Variants in CEP164 observed in about 807,000 individuals in gnomAD.
CEP164 encodes centrosomal protein of 164 kDa.
Under a neutral mutation model 182.7 loss-of-function variants are expected in CEP164, and 162 were observed. The ratio of observed to expected loss-of-function variants is 0.89; its 90% CI spans 0.78 to 1.01. The LOEUF is 1.01. Ranked by LOEUF, CEP164 falls within the 50% of genes least tolerant of loss-of-function variation. The pLI is 0.00. For missense variants in CEP164, 1,735 were observed against 1,790.4 expected, an observed-to-expected ratio of 0.97 and a Z score of 0.56; for synonymous variants, 661 against 690.0, an observed-to-expected ratio of 0.96 and a Z score of 0.66.
At position 117,348,388 on chromosome 11, in the gene CEP164, G is replaced by A. The variant is rs58435841; in HGVS notation, c.195-3402G>A. Among the ~76,000 whole-genome samples, 497 of 152,202 alleles carry A rather than the reference G, an allele frequency of 3.3e-3. 8 individuals carry two copies. The highest frequency in any genetic ancestry group is 0.012 in the African/African-American group (480 of 41,528). The stretch of plus-strand genomic sequence containing the variant: ...CCAAGTTGTTTGTAGAGTTGAATTG[G>A]CCATCTGTTGATCTTTTGTGATTTA... On this transcript the variant is annotated intron_variant, in intron 4 of 32. Transcript: ENST00000278935.
chr11:117,337,425 T>G (rs2037338165), intron 2 of CEP164, among the ~76,000 whole-genome samples: 3 of 150,926 alleles, frequency 2.0e-5, no homozygotes, highest in African/African-American at 7.3e-5. Flanking sequence ...TGTATTTTTC[T>G]TACTTTGAGA....
chr11:117,335,120 T>C (rs143843252), intron 1 of CEP164, among the ~76,000 whole-genome samples: 2 of 152,318 alleles, frequency 1.3e-5, no homozygotes, highest in African/African-American at 4.8e-5. Flanking sequence ...GGGCCCCATC[T>C]GCCACCCGGG....
rs1592533718 is a variant in CEP164 at position 117,412,059 on chromosome 11, A to G, written c.4287-13A>G. ...TGCCCAGCGACTGCAGTTTTCCTTC[A>G]CCTTGTGGCCAGACCTCTCTTCTCG... On this transcript the variant is annotated splice_polypyrimidine_tract_variant and intron_variant, in intron 32 of 32. Transcript: ENST00000278935. 6.2e-7 allele frequency: 1 copy of G among 1,613,740 alleles called. No individual in the cohort carries two copies.
intron 1 of CEP164, among the ~76,000 whole-genome samples, chr11:117,322,650 G>A (rs975255236): frequency 2.0e-5 from 3 of 151,478 alleles, no homozygotes; most frequent in Admixed American, 1.3e-4. Context: ...CTGCCTCCCG[G>A]GTGCAAGTGA....
intron 8 of CEP164, among the ~76,000 whole-genome samples, chr11:117,370,358 T>C (rs1213119297): frequency 6.6e-6 from 1 of 152,260 alleles, no homozygotes; most frequent in Non-Finnish European, 1.5e-5. Context: ...GAGACTTTGC[T>C]GCCTTTCTGT....
At chr11:117,350,047 A>G (rs2039421671) in intron 4 of CEP164, among the ~76,000 whole-genome samples, 1 of 152,154 alleles carries the variant, frequency 6.6e-6, no homozygotes, top group Non-Finnish European at 1.5e-5. Context: ...TGCTGGGATT[A>G]CAGGCATGAG....
intron 27 of CEP164, among the ~76,000 whole-genome samples, chr11:117,400,294 G>A (rs1415603947): frequency 1.3e-5 from 2 of 152,188 alleles, no homozygotes; most frequent in Non-Finnish European, 2.9e-5. Context: ...TCAAATGGTT[G>A]TAGATGTGTG....
intron 5 of CEP164, chr11:117,354,782 AT>A (rs2040115999): frequency 1.8e-5 from 3 of 163,476 alleles, no homozygotes; most frequent in South Asian, 2.0e-4. Context: ...TTATTTATTT[AT>A]TTATTTATTT....
chr11:117,355,725 T>A, intron 5 of CEP164: 1 of 1,173,760 alleles, frequency 8.5e-7, no homozygotes, highest in African/African-American at 1.6e-5. Flanking sequence ...GGACTGTGGA[T>A]GGAACAGGTC....
rs568070532 is a variant in CEP164 at position 117,329,935 on chromosome 11, A to G, written c.-98+2031A>G. 7.5e-5 allele frequency among the ~76,000 whole-genome samples: 11 copies of G among 147,226 alleles called. No individual in the cohort carries two copies. In the South Asian group the frequency reaches 2.0e-3, roughly 26 times the overall value. On this transcript the variant is annotated intron_variant, in intron 1 of 32. Transcript: ENST00000278935. ...TATTTTGCTGAGTGGATGAAGTGAG[A>G]TGATGTATATAGAGCACTCAGTACA... is the stretch of plus-strand genomic sequence containing the variant.
intron 8 of CEP164, among the ~76,000 whole-genome samples, chr11:117,365,878 C>A (rs372721900): frequency 2.6e-5 from 4 of 152,232 alleles, no homozygotes; most frequent in East Asian, 3.9e-4. Context: ...TCGTGCCCAG[C>A]CTGAAGGGTG....
chr11:117,396,701 T>G (rs1436273040), intron 26 of CEP164, 90 bp downstream of exon 26: 2 of 1,043,852 alleles, frequency 1.9e-6, no homozygotes, highest in Non-Finnish European at 3.0e-6. Flanking sequence ...TGAGCTGAAG[T>G]GAGGAGACGG....
intron 14 of CEP164, chr11:117,385,696 G>A (rs1266270519): frequency 6.6e-6 from 1 of 152,280 alleles, no homozygotes. Context: ...ATTCTCAGAG[G>A]AGGTGGCAGC....
intron 4 of CEP164, among the ~76,000 whole-genome samples, chr11:117,348,167 A>G (rs1342412496): frequency 6.6e-6 from 1 of 151,958 alleles, no homozygotes; most frequent in Non-Finnish European, 1.5e-5. Context: ...AGATGGGGTT[A>G]TGCCATGTTG....
chr11:117,362,633 A>G (rs781474533), intron 7 of CEP164, 95 bp downstream of exon 7: 4 of 1,431,210 alleles, frequency 2.8e-6, no homozygotes, highest in South Asian at 2.7e-5. Flanking sequence ...AATATGTAAC[A>G]TAAAATTTGC....
rs566999679 is a variant in CEP164, at chr11:117,339,147, T to C, written c.82+479T>C. ...GCCTATTTTTGTAAATACACCTTCA[T>C]TGGAAAACAGCCACAATGGTTTATG... On this transcript the variant is annotated intron_variant, in intron 3 of 32. Transcript: ENST00000278935. Among the ~76,000 whole-genome samples, 19 of 152,262 alleles carry C rather than the reference T, an allele frequency of 1.2e-4. No homozygotes were observed. In the East Asian group the frequency reaches 1.4e-3, roughly 11 times the overall value.
chr11:117,408,780 A>G (rs1428252458), intron 28 of CEP164, 110 bp from the exon 29 acceptor site: 1 of 1,399,496 alleles, frequency 7.1e-7, no homozygotes, highest in Non-Finnish European at 9.8e-7. Context: ...TTAAAGACAA[A>G]ACATAAAGAA....
intron 1 of CEP164, among the ~76,000 whole-genome samples, chr11:117,322,322 A>G (rs1376315988): frequency 6.6e-6 from 1 of 151,916 alleles, no homozygotes; most frequent in African/African-American, 2.4e-5. Context: ...TCACCATGTT[A>G]GCCAGGATGG....
At chr11:117,386,421 T>C (rs1307022650) in intron 14 of CEP164, 1 of 152,238 alleles carries the variant, frequency 6.6e-6, no homozygotes, top group Non-Finnish European at 1.5e-5. Context: ...TATACACATC[T>C]TTTTAATGGA....
Sources: allele counts gnomAD v4.1 joint callset (sites outside exome capture counted in the v4.1 genomes callset), GRCh38; gene constraint gnomAD v4.1.1; transcripts MANE v1.5; gene names NCBI Gene and HGNC (gene_info 2026-07-23, HGNC 2026-07-21).